Variants in SLAIN2 observed in about 807,000 individuals in gnomAD.
The protein encoded by SLAIN2 is SLAIN motif-containing protein 2.
In SLAIN2, 31 loss-of-function variants were observed where a neutral mutation model predicts 56.6. That is an observed-to-expected ratio of 0.55 (90% confidence interval 0.41 to 0.74). SLAIN2 has a LOEUF of 0.74. SLAIN2 is among the 30% of genes least tolerant of loss of function. The probability of loss-of-function intolerance (pLI) is 0.00; values close to 1 mark genes in which losing one functional copy is unlikely to be tolerated. For missense variants in SLAIN2, 777 were observed against 754.2 expected (o/e 1.03, Z -0.35); for synonymous variants, 317 against 284.9 (o/e 1.11, Z -1.13).
chr4:48,424,208 A>AT lies in SLAIN2; in HGVS notation c.*2133dup, dbSNP rs1316930946. ...ATTTTTGATCTGAGTTTGGTAAAGT[A>AT]TTATTTTACCTGCTGTTGTACTACC... On this transcript the variant is annotated 3_prime_UTR_variant, in exon 8 of 8. Transcript: ENST00000264313. The AT allele has an allele frequency of 2.0e-5, 3 of 152,126 alleles. No homozygotes were observed. The highest frequency in any genetic ancestry group is 4.4e-5 in the Non-Finnish European group (3 of 67,984). The allele number at this position is 152,126 out of a possible 1,614,324, so 9.4% of individuals were successfully genotyped here.
chr4:48,367,289 A>AAGAGG (rs1279838283), intron 1 of SLAIN2, among the ~76,000 whole-genome samples: 2 of 152,208 alleles, frequency 1.3e-5, no homozygotes, highest in African/African-American at 4.8e-5. Context: ...TTCAGGTAGT[A>AAGAGG]ATACATAGGG....
At chr4:48,379,896 T>C (rs376742853) in intron 4 of SLAIN2, 48 bp downstream of exon 4, 2 of 1,385,812 alleles carry the variant, frequency 1.4e-6, no homozygotes, top group Non-Finnish European at 1.9e-6. Context: ...TATTGCATAA[T>C]TTTGTTGTAT....
At chr4:48,364,283 C>A (rs1388882675) in intron 1 of SLAIN2, among the ~76,000 whole-genome samples, 5 of 97,314 alleles carry the variant, frequency 5.1e-5, no homozygotes, top group African/African-American at 1.1e-4. Flanking sequence ...CGATGGGCGG[C>A]GGGGCAGAGA....
rs1715568804 is a variant in SLAIN2, at chr4:48,368,051, C to CTTTTTTTTCT, written c.390-1790_390-1789insCTTTTTTTTT. ...TTCACTGAACGTAGTGTTTTTGAGGCTTTTTTTTTTTTTGACAGTGTTGCT... is the reference window on the plus strand; with the variant it reads ...TTCACTGAACGTAGTGTTTTTGAGGCTTTTTTTTCTTTTTTTTTTTTTTGACAGTGTTGCT... On this transcript the variant is annotated intron_variant, in intron 1 of 7. Transcript: ENST00000264313. 2.3e-5 allele frequency among the ~76,000 whole-genome samples: 2 copies of CTTTTTTTTCT among 88,848 alleles called. 1 individual carries two copies. Among genetic ancestry groups the CTTTTTTTTCT allele is most frequent in the Non-Finnish European group, 3.9e-5 (2 of 50,940 alleles). 58.3% of individuals were successfully genotyped at this position (88,848 alleles called of 152,430 possible).
At chr4:48,393,044 C>G (rs1310759273) in intron 6 of SLAIN2, among the ~76,000 whole-genome samples, 1 of 151,722 alleles carries the variant, frequency 6.6e-6, no homozygotes, top group Non-Finnish European at 1.5e-5. Flanking sequence ...GAAAAATACT[C>G]TGATAGTAAC....
chr4:48,399,955 T>G (rs1465850613), intron 6 of SLAIN2, among the ~76,000 whole-genome samples: 1 of 152,196 alleles, frequency 6.6e-6, no homozygotes, highest in Non-Finnish European at 1.5e-5. Flanking sequence ...GATATTGGCC[T>G]GATGTTTTCT....
At position 48,379,721 on chromosome 4, in the gene SLAIN2, ACTCAGTC is replaced by A; in HGVS notation, c.746_752del (p.Gln249LeufsTer2). 6.7e-7 allele frequency: 1 copy of A among 1,489,692 alleles called. No homozygotes were observed. The highest frequency in any genetic ancestry group is 8.9e-7 in the Non-Finnish European group (1 of 1,123,194). 92.3% of individuals were successfully genotyped at this position (1,489,692 alleles called of 1,614,324 possible). A position where few individuals can be genotyped will look rare whatever the true frequency, so the allele number is the denominator to read the frequency against. The stretch of plus-strand genomic sequence containing the variant: ...TGAAAAGCTCAGACAGAAATCCTCC[ACTCAGTC>A]CTCAGTCCTCTATAGATAGTGAGTT... On this transcript the variant is annotated frameshift_variant, in exon 4 of 8. Coordinates refer to ENST00000264313, the MANE Select transcript of SLAIN2 (RefSeq NM_020846.2). LOFTEE classifies it high-confidence loss of function.
chr4:48,384,212 A>G (rs1716043734), intron 6 of SLAIN2, among the ~76,000 whole-genome samples: 2 of 152,232 alleles, frequency 1.3e-5, no homozygotes, highest in Non-Finnish European at 2.9e-5. Flanking sequence ...TAATTTTAGA[A>G]TCATACTCAA....
At chr4:48,409,494 T>C (rs1344873089) in intron 6 of SLAIN2, among the ~76,000 whole-genome samples, 1 of 152,248 alleles carries the variant, frequency 6.6e-6, no homozygotes, top group Non-Finnish European at 1.5e-5. Flanking sequence ...TGTTCCTTTT[T>C]ATTGCCAAAT....
chr4:48,346,723 G>C (rs1714876327), intron 1 of SLAIN2, among the ~76,000 whole-genome samples: 1 of 151,638 alleles, frequency 6.6e-6, no homozygotes, highest in East Asian at 1.9e-4. Flanking sequence ...GAAGTTTTAT[G>C]TTTTCTAGAC....
intron 4 of SLAIN2, 38 bp from the exon 5 acceptor site, chr4:48,382,530 A>C (rs1172408403): frequency 7.0e-7 from 1 of 1,427,562 alleles, no homozygotes; most frequent in East Asian, 2.5e-5. Context: ...TAAATGTTTA[A>C]AAATATTGTT....
At chr4:48,375,286 A>T (rs1484179368) in intron 2 of SLAIN2, among the ~76,000 whole-genome samples, 1 of 152,184 alleles carries the variant, frequency 6.6e-6, no homozygotes, top group Non-Finnish European at 1.5e-5. Context: ...TACTAAATAT[A>T]TATAAAATAT....
intron 6 of SLAIN2, among the ~76,000 whole-genome samples, chr4:48,393,420 G>C (rs1352414557): frequency 3.3e-5 from 5 of 151,374 alleles, no homozygotes; most frequent in Admixed American, 6.6e-5. Context: ...GTGTGTGTGT[G>C]TGTAGACAGA....
chr4:48,412,742 G>A (rs1219404848), intron 6 of SLAIN2, among the ~76,000 whole-genome samples: 2 of 152,056 alleles, frequency 1.3e-5, no homozygotes, highest in African/African-American at 4.8e-5. Context: ...AACAATTTTT[G>A]TATGCTTACA....
At position 48,385,549 on chromosome 4, in the gene SLAIN2, G is replaced by A. The variant is rs112507942; in HGVS notation, c.1360+1765G>A. Among the ~76,000 whole-genome samples the A allele has an allele frequency of 7.2e-3, 1,103 of 152,168 alleles. 11 individuals carry two copies. The highest frequency in any genetic ancestry group is 0.013 in the Admixed American group (194 of 15,290). ...GGCTATGAAGAAGTGATACAAACGA[G>A]TTTGTTGACTGTTCACTTATAACTT... On this transcript the variant is annotated intron_variant, in intron 6 of 7. Coordinates refer to ENST00000264313, the MANE Select transcript of SLAIN2 (RefSeq NM_020846.2).
At chr4:48,404,162 C>A (rs1015254580) in intron 6 of SLAIN2, among the ~76,000 whole-genome samples, 1 of 152,200 alleles carries the variant, frequency 6.6e-6, no homozygotes, top group Non-Finnish European at 1.5e-5. Flanking sequence ...CTCACTCTTT[C>A]TTTCCTCTTT....
intron 1 of SLAIN2, among the ~76,000 whole-genome samples, chr4:48,363,528 C>A (rs1715395030): frequency 1.4e-5 from 1 of 71,678 alleles, no homozygotes; most frequent in African/African-American, 4.8e-5. Flanking sequence ...CGGGCAGAGG[C>A]GCCCCTCACC....
chr4:48,362,143 T>G (rs927674214), intron 1 of SLAIN2, among the ~76,000 whole-genome samples: 3 of 151,340 alleles, frequency 2.0e-5, no homozygotes, highest in Non-Finnish European at 4.4e-5. Flanking sequence ...TGCCTTTAGT[T>G]TTTTTTTTTC....
intron 6 of SLAIN2, among the ~76,000 whole-genome samples, chr4:48,388,046 AGGTTGCTGTTACTTCCACCTAAG>A (rs1323452563): frequency 6.6e-6 from 1 of 152,154 alleles, no homozygotes; most frequent in African/African-American, 2.4e-5. Context: ...TAACTTTGCA[AGGTTGCTGTTACTTCCACCTAAG>A]GGATCACTTC....
Sources: allele counts gnomAD v4.1 joint callset (sites outside exome capture counted in the v4.1 genomes callset), GRCh38; gene constraint gnomAD v4.1.1; transcripts MANE v1.5; gene names NCBI Gene and HGNC (gene_info 2026-07-23, HGNC 2026-07-21).